ATXN1: variants seen among roughly 807,000 people sequenced by gnomAD.
ATXN1 encodes the protein ataxin 1, also known as ataxin-1.
ATXN1 carries 8 observed loss-of-function variants against 56.4 expected under a neutral mutation model. The ratio of observed to expected loss-of-function variants is 0.14; its 90% CI spans 0.08 to 0.26. The LOEUF (loss-of-function observed/expected upper bound fraction) is 0.26. ATXN1 is among the 10% of genes least tolerant of loss of function. The pLI is 1.00. For missense variants in ATXN1, 987 were observed against 1,106.5 expected, an observed-to-expected ratio of 0.89 and a Z score of 1.53; for synonymous variants, 514 against 494.6, an observed-to-expected ratio of 1.04 and a Z score of -0.52.
At chr6:16,439,396 T>A (rs1479212561) in intron 6 of ATXN1, among the ~76,000 whole-genome samples, 1 of 4,680 alleles carries the variant, frequency 2.1e-4, no homozygotes, top group Non-Finnish European at 3.9e-4. Context: ...AGGGTTGGGG[T>A]GGGGTGGGGA....
intron 6 of ATXN1, among the ~76,000 whole-genome samples, chr6:16,457,753 T>C (rs978963460): frequency 1.3e-5 from 2 of 152,172 alleles, no homozygotes. Flanking sequence ...ATTACCTCCA[T>C]ATCCTAGCCT....
chr6:16,374,615 T>G (rs1404204356), intron 6 of ATXN1, among the ~76,000 whole-genome samples: 1 of 152,234 alleles, frequency 6.6e-6, no homozygotes, highest in African/African-American at 2.4e-5. Flanking sequence ...AATGGTGATG[T>G]ATCATCTGGG....
At chr6:16,570,155 T>C (rs1326404592) in intron 4 of ATXN1, among the ~76,000 whole-genome samples, 2 of 152,220 alleles carry the variant, frequency 1.3e-5, no homozygotes, top group Non-Finnish European at 1.5e-5. Context: ...TACATTCACC[T>C]GCCCTGGACA....
intron 3 of ATXN1, among the ~76,000 whole-genome samples, chr6:16,647,743 G>A (rs1233352309): frequency 6.6e-6 from 1 of 152,156 alleles, no homozygotes; most frequent in Non-Finnish European, 1.5e-5. Flanking sequence ...GCATCGTGTT[G>A]TACACAAATT....
intron 2 of ATXN1, among the ~76,000 whole-genome samples, chr6:16,684,945 CAAGT>C (rs1391634825): frequency 6.6e-6 from 1 of 151,492 alleles, no homozygotes; most frequent in Non-Finnish European, 1.5e-5. Flanking sequence ...ATCAGAAGCA[CAAGT>C]GAGTGAAATT....
intron 6 of ATXN1, among the ~76,000 whole-genome samples, chr6:16,474,387 G>A (rs1013046346): frequency 6.6e-6 from 1 of 152,184 alleles, no homozygotes; most frequent in Non-Finnish European, 1.5e-5. Context: ...AGGATGAGAG[G>A]CCACCTGAAG....
At chr6:16,340,838 C>G (rs1677694708) in intron 6 of ATXN1, among the ~76,000 whole-genome samples, 1 of 152,208 alleles carries the variant, frequency 6.6e-6, no homozygotes, top group South Asian at 2.1e-4. Context: ...GGCCAGGGAA[C>G]AGGCAGATGG....
chr6:16,309,851 T>C (rs915464409), intron 7 of ATXN1, among the ~76,000 whole-genome samples: 31 of 151,888 alleles, frequency 2.0e-4, no homozygotes, highest in Admixed American at 1.3e-3. Flanking sequence ...CTGGCCAACA[T>C]GGTGAAACCC....
chr6:16,565,488 A>T (rs948826776), intron 4 of ATXN1, among the ~76,000 whole-genome samples: 1 of 152,346 alleles, frequency 6.6e-6, no homozygotes, highest in South Asian at 2.1e-4. Context: ...CTCCATAAAA[A>T]TCAACAGTGT....
chr6:16,375,675 T>C (rs560753415), intron 6 of ATXN1, among the ~76,000 whole-genome samples: 2 of 152,354 alleles, frequency 1.3e-5, no homozygotes, highest in East Asian at 3.9e-4. Flanking sequence ...TTTATTTTTT[T>C]TTTTCCTGCT....
intron 7 of ATXN1, among the ~76,000 whole-genome samples, chr6:16,309,750 C>G (rs1174849772): frequency 6.6e-6 from 1 of 152,108 alleles, no homozygotes; most frequent in Non-Finnish European, 1.5e-5. Flanking sequence ...GCCTCTAGAA[C>G]AGGCTGGGTG....
At chr6:16,576,929 T>C (rs772124309) in intron 4 of ATXN1, among the ~76,000 whole-genome samples, 26 of 152,156 alleles carry the variant, frequency 1.7e-4, no homozygotes, top group Non-Finnish European at 2.8e-4. Flanking sequence ...AAAAGACAAG[T>C]AGACACTTCA....
chr6:16,312,462 G>A (rs553909391), intron 7 of ATXN1, among the ~76,000 whole-genome samples: 1 of 151,418 alleles, frequency 6.6e-6, no homozygotes, highest in African/African-American at 2.4e-5. Flanking sequence ...TTATGGCACC[G>A]AGATAATATA....
chr6:16,452,722 T>C (rs1220222952), intron 6 of ATXN1, among the ~76,000 whole-genome samples: 1 of 152,230 alleles, frequency 6.6e-6, no homozygotes, highest in Non-Finnish European at 1.5e-5. Flanking sequence ...ATCCCTCTTG[T>C]TCTTATAGTA....
chr6:16,435,081 A>T (rs1759360908), intron 6 of ATXN1, among the ~76,000 whole-genome samples: 3 of 152,194 alleles, frequency 2.0e-5, no homozygotes. Flanking sequence ...TGCTTCAAGG[A>T]GGACTTTTAG....
chr6:16,304,510 G>C lies in ATXN1; in HGVS notation c.*1819C>G, dbSNP rs951597059. The C allele has an allele frequency of 2.0e-5, 3 of 152,164 alleles. No homozygotes were observed. The highest frequency in any genetic ancestry group is 2.9e-5 in the Non-Finnish European group (2 of 67,954). The allele number at this position is 152,164 out of a possible 1,614,324, so 9.4% of individuals were successfully genotyped here. A position where few individuals can be genotyped will look rare whatever the true frequency, so the allele number is the denominator to read the frequency against. ...AAAGTAATTGTTTAAAAAAAATCTT[G>C]CTCACATATATAAATGTCTTTATGG... is the stretch of plus-strand genomic sequence containing the variant. On this transcript the variant is annotated 3_prime_UTR_variant, in exon 8 of 8. Transcript: ENST00000436367.
intron 3 of ATXN1, among the ~76,000 whole-genome samples, chr6:16,629,001 G>A (rs1763457013): frequency 6.6e-6 from 1 of 152,154 alleles, no homozygotes; most frequent in African/African-American, 2.4e-5. Flanking sequence ...TGGGATTGCT[G>A]GGTCGAATGG....
chr6:16,553,159 A>C (rs1761953160), intron 4 of ATXN1, among the ~76,000 whole-genome samples: 2 of 152,346 alleles, frequency 1.3e-5, no homozygotes, highest in African/African-American at 4.8e-5. Flanking sequence ...GCATAAAGAA[A>C]ACTGTGGTTT....
At chr6:16,605,518 G>T (rs567220514) in intron 3 of ATXN1, among the ~76,000 whole-genome samples, 20 of 152,266 alleles carry the variant, frequency 1.3e-4, no homozygotes, top group African/African-American at 4.8e-4. Context: ...TCTTTATTTT[G>T]TAAGAACATT....
Sources: allele counts gnomAD v4.1 joint callset (sites outside exome capture counted in the v4.1 genomes callset), GRCh38; gene constraint gnomAD v4.1.1; transcripts MANE v1.5; gene names NCBI Gene and HGNC (gene_info 2026-07-23, HGNC 2026-07-21).